The following HMGA2 variants were observed in gnomAD, a reference collection of about 807,000 sequenced individuals.
The protein encoded by HMGA2 is high mobility group protein HMGI-C.
HMGA2 carries 8 observed loss-of-function variants against 19.1 expected under a neutral mutation model. That is an observed-to-expected ratio of 0.42 (90% CI 0.25 to 0.76). The LOEUF (loss-of-function observed/expected upper bound fraction) is 0.76, where lower values mean the gene tolerates loss of function less well. Among genes scored for constraint, HMGA2 ranks in the 30% least tolerant of loss-of-function variants. The pLI is 0.28. For synonymous variants in HMGA2, 60 were observed against 48.8 expected (o/e 1.23, Z -0.96); for missense variants, 109 against 136.3 (o/e 0.80, Z 1.00).
intron 3 of HMGA2, among the ~76,000 whole-genome samples, chr12:65,889,397 G>T (rs1303194024): frequency 6.6e-6 from 1 of 152,298 alleles, no homozygotes; most frequent in African/African-American, 2.4e-5. Context: ...ATGTAGATGT[G>T]CACAGAGGAC....
At chr12:65,881,529 C>A in intron 3 of HMGA2, 1 of 580,548 alleles carries the variant, frequency 1.7e-6, no homozygotes, top group Non-Finnish European at 3.1e-6. Flanking sequence ...AAAAACCACT[C>A]CAACAAATCC....
At chr12:65,945,858 T>C (rs1434163920) in intron 3 of HMGA2, among the ~76,000 whole-genome samples, 1 of 152,240 alleles carries the variant, frequency 6.6e-6, no homozygotes, top group Non-Finnish European at 1.5e-5. Context: ...GTTGTCTATA[T>C]GGTAGGGATA....
At chr12:65,890,914 G>C (rs963671612) in intron 3 of HMGA2, among the ~76,000 whole-genome samples, 1 of 151,854 alleles carries the variant, frequency 6.6e-6, no homozygotes, top group Admixed American at 6.6e-5. Context: ...GTAGAGACGG[G>C]GTTTCACTGT....
intron 2 of HMGA2, among the ~76,000 whole-genome samples, chr12:65,834,124 C>T (rs1024111369): frequency 2.0e-5 from 3 of 152,166 alleles, no homozygotes; most frequent in African/African-American, 4.8e-5. Context: ...GGTTTGAATT[C>T]ACTTTAATTC....
At chr12:65,896,528 TTCTC>T (rs1359843173) in intron 3 of HMGA2, among the ~76,000 whole-genome samples, 2 of 152,128 alleles carry the variant, frequency 1.3e-5, no homozygotes, top group African/African-American at 2.4e-5. Context: ...CTCTTTCTCT[TTCTC>T]TCTCTCTGCT....
chr12:65,895,844 T>G lies in HMGA2; in HGVS notation c.250-55539T>G, dbSNP rs146918261. On this transcript the variant is annotated intron_variant, in intron 3 of 4. Coordinates refer to ENST00000403681, the MANE Select transcript of HMGA2 (RefSeq NM_003483.6). Reference sequence around the variant, plus strand: ...CTCTGAGGACAGCTAGTACACTCGATTCAGTATTATATGCTTTCCTATTTC... The same window carrying G: ...CTCTGAGGACAGCTAGTACACTCGAGTCAGTATTATATGCTTTCCTATTTC... 9.1e-3 allele frequency among the ~76,000 whole-genome samples: 1,392 copies of G among 152,322 alleles called. 15 individuals carry two copies. The highest frequency in any genetic ancestry group is 0.032 in the African/African-American group (1,319 of 41,570).
intron 3 of HMGA2, chr12:65,858,130 G>T (rs745803342): frequency 1.3e-5 from 2 of 152,548 alleles, no homozygotes; most frequent in Non-Finnish European, 2.9e-5. Context: ...TGCTGAGGTC[G>T]TTACTGCTAT....
intron 3 of HMGA2, among the ~76,000 whole-genome samples, chr12:65,905,666 G>C (rs1454719238): frequency 6.6e-6 from 1 of 152,092 alleles, no homozygotes; most frequent in Admixed American, 6.5e-5. Flanking sequence ...AGTACTCTTT[G>C]CACGCTTCTA....
At chr12:65,843,377 TG>T (rs1871088107) in intron 3 of HMGA2, 1 of 205,542 alleles carries the variant, frequency 4.9e-6, no homozygotes, top group Non-Finnish European at 9.9e-6. Flanking sequence ...AGGAAAGTGA[TG>T]TAATTTTATA....
chr12:65,963,182 G>C lies in HMGA2; in HGVS notation c.283-63G>C, dbSNP rs1876801336. ...GGAAACAGGTTACCTCTGCACTGTT[G>C]GCAAGAGCAGCCCACACAGTATAAC... On this transcript the variant is annotated intron_variant, in intron 4 of 4. Coordinates refer to ENST00000403681, the MANE Select transcript of HMGA2 (RefSeq NM_003483.6). The C allele has an allele frequency of 2.6e-6, 4 of 1,511,496 alleles. No individual in the cohort carries two copies. The South Asian group carries it at 4.5e-5, about 17-fold the overall frequency. The allele number at this position is 1,511,496 out of a possible 1,614,324, so 93.6% of individuals were successfully genotyped here.
At chr12:65,915,401 G>C (rs1353889446) in intron 3 of HMGA2, 1 of 1,289,218 alleles carries the variant, frequency 7.8e-7, no homozygotes, top group Non-Finnish European at 9.9e-7. Flanking sequence ...CATGCCTGCG[G>C]GGACAGCTTA....
At chr12:65,952,158 T>A (rs1876479918) in intron 4 of HMGA2, 2 of 532,756 alleles carry the variant, frequency 3.8e-6, no homozygotes, top group East Asian at 2.9e-5. Flanking sequence ...TATAAGAACG[T>A]CCTGCTGTTC....
chr12:65,891,596 T>C (rs1873914733), intron 3 of HMGA2, among the ~76,000 whole-genome samples: 1 of 152,120 alleles, frequency 6.6e-6, no homozygotes, highest in Non-Finnish European at 1.5e-5. Context: ...ACAGTGCTGG[T>C]TAAGAGTCGC....
chr12:65,898,811 G>A (rs1224891867), intron 3 of HMGA2, among the ~76,000 whole-genome samples: 1 of 152,122 alleles, frequency 6.6e-6, no homozygotes, highest in East Asian at 1.9e-4. Flanking sequence ...TTGGGAGGCC[G>A]AGGCAGGCAG....
At chr12:65,852,229 G>C (rs959216025) in intron 3 of HMGA2, among the ~76,000 whole-genome samples, 4 of 152,168 alleles carry the variant, frequency 2.6e-5, no homozygotes, top group African/African-American at 7.2e-5. Context: ...GGATGCGGGG[G>C]CTCACGCCTA....
At chr12:65,868,286 C>T (rs1331041302) in intron 3 of HMGA2, among the ~76,000 whole-genome samples, 5 of 152,096 alleles carry the variant, frequency 3.3e-5, no homozygotes, top group Non-Finnish European at 5.9e-5. Context: ...TGCAGTATCA[C>T]GTTTCTGACT....
intron 3 of HMGA2, among the ~76,000 whole-genome samples, chr12:65,932,501 C>T (rs1056010271): frequency 1.3e-5 from 2 of 152,150 alleles, no homozygotes; most frequent in Non-Finnish European, 2.9e-5. Context: ...GTATAGAAGG[C>T]ACTCAATGAA....
At chr12:65,831,546 A>C (rs903083909) in intron 2 of HMGA2, among the ~76,000 whole-genome samples, 5 of 151,862 alleles carry the variant, frequency 3.3e-5, no homozygotes, top group Non-Finnish European at 5.9e-5. Flanking sequence ...TAATGGACAG[A>C]TCTAGGAAGC....
intron 3 of HMGA2, among the ~76,000 whole-genome samples, chr12:65,893,760 G>T (rs1874015477): frequency 6.6e-6 from 1 of 152,196 alleles, no homozygotes. Flanking sequence ...GGGAGATAAG[G>T]ATGGAAAGGG....
Sources: allele counts gnomAD v4.1 joint callset (sites outside exome capture counted in the v4.1 genomes callset), GRCh38; gene constraint gnomAD v4.1.1; transcripts MANE v1.5; gene names NCBI Gene and HGNC (gene_info 2026-07-23, HGNC 2026-07-21).